The following AGAP1 variants were observed in gnomAD, a reference collection of about 807,000 sequenced individuals.
AGAP1 encodes ArfGAP with GTPase domain, ankyrin repeat and PH domain 1, also known as arf-GAP with GTPase, ANK repeat and PH domain-containing protein 1.
A neutral mutation model predicts 105.3 loss-of-function variants in AGAP1; 29 were observed. That is an observed-to-expected ratio of 0.28 (90% CI 0.21 to 0.38). The LOEUF (loss-of-function observed/expected upper bound fraction) is 0.38. Among genes scored for constraint, AGAP1 ranks in the 10% least tolerant of loss-of-function variants. AGAP1 has a pLI of 1.00. For missense variants in AGAP1, 998 were observed against 1,165.1 expected, an observed-to-expected ratio of 0.86 and a Z score of 2.09; for synonymous variants, 509 against 485.9, an observed-to-expected ratio of 1.05 and a Z score of -0.63.
rs1054863712 is a variant in AGAP1 at position 235,799,566 on chromosome 2, C to T, written c.957+44C>T. 1.3e-5 allele frequency: 21 copies of T among 1,599,814 alleles called. No homozygotes were observed. The Admixed American group carries it at 1.5e-4, about 12-fold the overall frequency. ...TGGAGATTTGAATGCGATTCCGAAG[C>T]GTTCCCATTAACGTAAACCTGGTTG... is the stretch of plus-strand genomic sequence containing the variant. On this transcript the variant is annotated intron_variant, in intron 8 of 17. Coordinates refer to ENST00000304032, the MANE Select transcript of AGAP1 (RefSeq NM_001037131.3). This position sits in a 1 kb window ranked among gnomAD's most constrained non-coding sequence, Gnocchi z 5.0.
intron 9 of AGAP1, among the ~76,000 whole-genome samples, chr2:235,809,277 G>A (rs550015058): frequency 2.6e-5 from 4 of 152,238 alleles, no homozygotes; most frequent in East Asian, 3.9e-4. Context: ...ACCATCAAGC[G>A]TAAAATGAGT....
rs1419652731 is a variant in AGAP1 at position 235,874,225 on chromosome 2, C to T, written c.1051-9120C>T. 6.6e-6 allele frequency among the ~76,000 whole-genome samples: 1 copy of T among 151,382 alleles called. No individual in the cohort carries two copies. Among genetic ancestry groups the T allele is most frequent in the African/African-American group, 2.4e-5 (1 of 41,190 alleles). ...ACCACCATGCCCAGCTAATTTTTTG[C>T]ATTTTACTAGAGACGGGGTTTCACC... is the stretch of plus-strand genomic sequence containing the variant. On this transcript the variant is annotated intron_variant, in intron 9 of 17. Transcript: ENST00000304032. The surrounding 1 kb of genome is among the most constrained non-coding windows in gnomAD (Gnocchi z 4.5).
intron 1 of AGAP1, among the ~76,000 whole-genome samples, chr2:235,501,956 C>T (rs1941580148): frequency 6.6e-6 from 1 of 152,208 alleles, no homozygotes; most frequent in South Asian, 2.1e-4. Flanking sequence ...ATGCACTCTA[C>T]AGATGTTAAT....
rs749327124 is a variant in AGAP1 at position 235,738,563 on chromosome 2, C to CTTTTT, written c.311-2392_311-2388dup. Among the ~76,000 whole-genome samples, 114 of 144,124 alleles carry CTTTTT rather than the reference C, an allele frequency of 7.9e-4. 1 individual carries two copies. In the East Asian group the frequency reaches 0.018, roughly 23 times the overall value. The allele number at this position is 144,124 out of a possible 152,430, so 94.6% of individuals were successfully genotyped here. On this transcript the variant is annotated intron_variant, in intron 3 of 17. Transcript: ENST00000304032. ...GTTATTTTTCTTTCTTTCTTTCTTT[C>CTTTTT]TTTTTTTTTTTTGAGACACAGTCTT...
intron 1 of AGAP1, among the ~76,000 whole-genome samples, chr2:235,604,148 TAA>T (rs529957684): frequency 6.6e-6 from 1 of 150,570 alleles, no homozygotes; most frequent in African/African-American, 2.4e-5. Flanking sequence ...GAATGGAATT[TAA>T]AAAAAAAATT....
At chr2:235,602,228 T>A (rs1945754116) in intron 1 of AGAP1, among the ~76,000 whole-genome samples, 1 of 152,226 alleles carries the variant, frequency 6.6e-6, no homozygotes, top group Non-Finnish European at 1.5e-5. Flanking sequence ...CGAGCACAAA[T>A]AAAGCCGTGT....
chr2:235,653,192 G>A (rs539504135), intron 1 of AGAP1, among the ~76,000 whole-genome samples: 8 of 152,238 alleles, frequency 5.3e-5, no homozygotes, highest in East Asian at 1.9e-4. Context: ...CCGGCCGGGC[G>A]CAGTGGCTCA....
In AGAP1 at chr2:235,739,894, G is replaced by A. The variant is rs940105706; in HGVS notation, c.311-1069G>A. ...TCAGACGTCGCTCTGGGCGGCAGTGGAGCTGGCAGGCAGCCTCTGGGCTCT... is the reference window on the plus strand; with the variant it reads ...TCAGACGTCGCTCTGGGCGGCAGTGAAGCTGGCAGGCAGCCTCTGGGCTCT... On this transcript the variant is annotated intron_variant, in intron 3 of 17. Coordinates refer to ENST00000304032, the MANE Select transcript of AGAP1 (RefSeq NM_001037131.3). The surrounding 1 kb of genome is among the most constrained non-coding windows in gnomAD (Gnocchi z 5.3). Among the ~76,000 whole-genome samples, 1 of 152,230 alleles carries A rather than the reference G, an allele frequency of 6.6e-6. No homozygotes were observed. Among genetic ancestry groups the A allele is most frequent in the Non-Finnish European group, 1.5e-5 (1 of 68,038 alleles).
intron 11 of AGAP1, among the ~76,000 whole-genome samples, chr2:235,929,071 G>A (rs1330841704): frequency 1.3e-5 from 2 of 152,202 alleles, no homozygotes; most frequent in African/African-American, 4.8e-5. Context: ...ATGAGAAACG[G>A]CCTCAAGACC....
rs539267791 is a variant in AGAP1, at chr2:235,803,791, T to TTA, written c.958-3444_958-3443dup. The stretch of plus-strand genomic sequence containing the variant: ...AATAAAATCTCTGTATTAGTCCAAA[T>TTA]TATATGTTACATTTGCAGTAGGAAT... On this transcript the variant is annotated intron_variant, in intron 8 of 17. Coordinates refer to ENST00000304032, the MANE Select transcript of AGAP1 (RefSeq NM_001037131.3). Among the ~76,000 whole-genome samples, 123 of 152,332 alleles carry TTA rather than the reference T, an allele frequency of 8.1e-4. 2 individuals carry two copies. The East Asian group carries it at 0.019, about 24-fold the overall frequency.
At position 235,686,665 on chromosome 2, in the gene AGAP1, A is replaced by ATTTTTTT. The variant is rs1200927776; in HGVS notation, c.164-22505_164-22499dup. ...TATATAGATATATATATATATATAT[A>ATTTTTTT]TTTTTTTTTTTTTTTAGACAGAGTC... On this transcript the variant is annotated intron_variant, in intron 1 of 17. Coordinates refer to ENST00000304032, the MANE Select transcript of AGAP1 (RefSeq NM_001037131.3). Among the ~76,000 whole-genome samples, 35 of 77,482 alleles carry ATTTTTTT rather than the reference A, an allele frequency of 4.5e-4. 1 individual carries two copies. Among genetic ancestry groups the ATTTTTTT allele is most frequent in the Admixed American group, 1.8e-3 (10 of 5,636 alleles). The allele number at this position is 77,482 out of a possible 152,430, so 50.8% of individuals were successfully genotyped here.
Position 235,734,854 on chromosome 2 carries a change from T to C in AGAP1, c.311-6109T>C, listed in dbSNP as rs566572391. Among the ~76,000 whole-genome samples, 4 of 152,346 alleles carry C rather than the reference T, an allele frequency of 2.6e-5. No homozygotes were observed. Among genetic ancestry groups the C allele is most frequent in the African/African-American group, 9.6e-5 (4 of 41,592 alleles). The stretch of plus-strand genomic sequence containing the variant: ...GTAAGAAGCAGTCAGAACGTCTGGA[T>C]TGGAGTCTTGGTCCTGCCGCGTGCT... On this transcript the variant is annotated intron_variant, in intron 3 of 17. Transcript: ENST00000304032. This position sits in a 1 kb window ranked among gnomAD's most constrained non-coding sequence, Gnocchi z 5.3.
In AGAP1 at chr2:236,105,140, C is replaced by A. The variant is rs2059452178; in HGVS notation, c.2115-15052C>A. 6.6e-6 allele frequency among the ~76,000 whole-genome samples: 1 copy of A among 152,104 alleles called. No individual in the cohort carries two copies. The highest frequency in any genetic ancestry group is 1.5e-5 in the Non-Finnish European group (1 of 68,018). Reference sequence around the variant, plus strand: ...CCAGGGCAGCAGAGATCAGGGCTGACTTTCCAAGCCAGCAAGACATGCATT... The same window carrying A: ...CCAGGGCAGCAGAGATCAGGGCTGAATTTCCAAGCCAGCAAGACATGCATT... On this transcript the variant is annotated intron_variant, in intron 16 of 17. Transcript: ENST00000304032. The surrounding 1 kb of genome is among the most constrained non-coding windows in gnomAD (Gnocchi z 4.2).
chr2:235,670,681 C>G (rs960356408), intron 1 of AGAP1: 47 of 692,672 alleles, frequency 6.8e-5, no homozygotes, highest in Non-Finnish European at 1.1e-4. Flanking sequence ...CCGGGACCAC[C>G]CTGGAGCCCG....
At chr2:235,835,480 T>C (rs1054464159) in intron 9 of AGAP1, among the ~76,000 whole-genome samples, 2 of 152,270 alleles carry the variant, frequency 1.3e-5, no homozygotes, top group Non-Finnish European at 2.9e-5. Context: ...GTTGCTCATG[T>C]AGCCCCTCTC....
At chr2:235,636,287 T>C (rs1443293788) in intron 1 of AGAP1, among the ~76,000 whole-genome samples, 4 of 152,152 alleles carry the variant, frequency 2.6e-5, no homozygotes, top group East Asian at 1.9e-4. Context: ...TCTGGGACTT[T>C]ATCTGGCTGT....
rs186550889 is a variant in AGAP1 at position 235,851,664 on chromosome 2, C to T, written c.1051-31681C>T. On this transcript the variant is annotated intron_variant, in intron 9 of 17. Coordinates refer to ENST00000304032, the MANE Select transcript of AGAP1 (RefSeq NM_001037131.3). ...TGTGTGGCCCTGAACCCAGAACACC[C>T]GGAAATACAAGTGCAAGTGCAAGGA... Among the ~76,000 whole-genome samples the T allele has an allele frequency of 5.3e-5, 8 of 151,998 alleles. 1 individual carries two copies. The South Asian group carries it at 6.3e-4, about 12-fold the overall frequency.
chr2:235,757,191 T>A (rs559521592), intron 6 of AGAP1, among the ~76,000 whole-genome samples: 20 of 152,224 alleles, frequency 1.3e-4, no homozygotes, highest in Non-Finnish European at 2.8e-4. Context: ...CAAATTATCA[T>A]CTCTCTGCTT....
At chr2:235,980,479 G>A (rs1232554372) in intron 13 of AGAP1, among the ~76,000 whole-genome samples, 1 of 152,168 alleles carries the variant, frequency 6.6e-6, no homozygotes, top group Admixed American at 6.5e-5. Context: ...TCTAATTTCT[G>A]TTTAATGATA....
Sources: gnomAD v4.1 joint callset for allele counts (sites outside exome capture counted in the v4.1 genomes callset) on GRCh38, gnomAD v4.1.1 for gene constraint, Gnocchi (gnomAD v3.1) non-coding constraint, MANE v1.5 for transcripts, NCBI Gene and HGNC (gene_info 2026-07-23, HGNC 2026-07-21) for gene names.